The following NPLOC4 variants were observed in gnomAD, a reference collection of about 807,000 sequenced individuals.
The protein encoded by NPLOC4 is NPL4 homolog, ubiquitin recognition factor.
Under a neutral mutation model 80.6 loss-of-function variants are expected in NPLOC4, and 18 were observed. The observed-to-expected ratio is 0.22, with a 90% CI of 0.15 to 0.33. The LOEUF is 0.33. Among genes scored for constraint, NPLOC4 ranks in the 10% least tolerant of loss-of-function variants. The pLI, the probability that NPLOC4 is intolerant of heterozygous loss-of-function variation, is 1.00. For missense variants in NPLOC4, 540 were observed against 786.1 expected (o/e 0.69, Z 3.74); for synonymous variants, 313 against 301.5 (o/e 1.04, Z -0.39).
rs1244715485 is a variant in NPLOC4, at chr17:81,597,277, G to A, written c.961C>T (p.Arg321Ter). 3 of 1,613,544 alleles carry A rather than the reference G, an allele frequency of 1.9e-6. No individual in the cohort carries two copies. The highest frequency in any genetic ancestry group is 2.2e-5 in the East Asian group (1 of 44,866). Residue 321 changes from arginine to a stop codon, truncating the protein, a stop_gained, in exon 10 of 17, where the codon CGA (arginine) becomes TGA (stop). Coordinates refer to ENST00000331134, the MANE Select transcript of NPLOC4 (RefSeq NM_017921.4). LOFTEE classifies it high-confidence loss of function. ...IFTDLVSEDT[R>*]KGTVRYSRNK... ...CGACTGTAGCGGACGGTACCCTTTC[G>A]GGTATCTTCTGAGACGAGGTCTGTA...
rs535757826 is a variant in NPLOC4, at chr17:81,616,173, T to G, written c.210-2679A>C. On this transcript the variant is annotated intron_variant, in intron 3 of 16. Coordinates refer to ENST00000331134, the MANE Select transcript of NPLOC4 (RefSeq NM_017921.4). ...CTCTGCTAAAAATAAAAAAAAAAATTAGCCGGGGGTGGTGGCGGGCACCTG... is the reference window on the plus strand; with the variant it reads ...CTCTGCTAAAAATAAAAAAAAAAATGAGCCGGGGGTGGTGGCGGGCACCTG... 1.9e-4 allele frequency among the ~76,000 whole-genome samples: 28 copies of G among 150,136 alleles called. No homozygotes were observed. In the East Asian group the frequency reaches 4.9e-3, roughly 27 times the overall value.
chr17:81,600,331 G>A lies in NPLOC4; in HGVS notation c.921+10C>T, dbSNP rs1297903329. On this transcript the variant is annotated intron_variant, in intron 9 of 16. Transcript: ENST00000331134. The stretch of plus-strand genomic sequence containing the variant: ...CACGCCCCCTGCTTGGCTGCCGGAT[G>A]CCTCAGTACCTTCCGCAGGCCAAGT... 2 of 1,603,896 alleles carry A rather than the reference G, an allele frequency of 1.2e-6. No individual in the cohort carries two copies. The highest frequency in any genetic ancestry group is 1.7e-6 in the Non-Finnish European group (2 of 1,174,656).
chr17:81,607,960 G>T (rs2035248520), intron 6 of NPLOC4, among the ~76,000 whole-genome samples: 1 of 152,214 alleles, frequency 6.6e-6, no homozygotes, highest in South Asian at 2.1e-4. Context: ...AATAATAGCT[G>T]AAGCCTGCTA....
chr17:81,616,310 G>A (rs371890445), intron 3 of NPLOC4, among the ~76,000 whole-genome samples: 2 of 35,506 alleles, frequency 5.6e-5, no homozygotes, highest in Admixed American at 3.9e-4. Context: ...GACATAGCAA[G>A]ACTCTGTCTC....
In NPLOC4 at chr17:81,628,144, G is replaced by A. The variant is rs2035844975; in HGVS notation, c.96+1581C>T. On this transcript the variant is annotated intron_variant, in intron 2 of 16. Transcript: ENST00000331134. ...GAGAGTGGCGTGAACCCGGGAGGCG[G>A]AGCTTGCAGTGAGCCAAGATCATGC... Among the ~76,000 whole-genome samples the A allele has an allele frequency of 2.0e-5, 3 of 151,510 alleles. No homozygotes were observed. The South Asian group carries it at 6.2e-4, about 32-fold the overall frequency.
At chr17:81,588,844 A>T in intron 12 of NPLOC4, 100 bp downstream of exon 12, 1 of 1,024,892 alleles carries the variant, frequency 9.8e-7, no homozygotes, top group Non-Finnish European at 1.4e-6. Flanking sequence ...CACAGCTGAC[A>T]AACGGCTGCT....
At position 81,613,464 on chromosome 17, in the gene NPLOC4, C is replaced by A; in HGVS notation, c.240G>T (p.Ser80=). The change falls in exon 4 of 17, where the codon TCG becomes TCT. Residue 80 remains serine (S), a synonymous_variant. Coordinates refer to ENST00000331134, the MANE Select transcript of NPLOC4 (RefSeq NM_017921.4). ...TTTCAGATGAGGGCCCAGCAAGGCT[C>A]GAGGGAAACAGGAACAACAAATCGC... ...KHGDLLFLFP[S]SLAGPSSEME... The A allele has an allele frequency of 6.2e-7, 1 of 1,613,788 alleles. No homozygotes were observed. The highest frequency in any genetic ancestry group is 8.5e-7 in the Non-Finnish European group (1 of 1,179,850).
At chr17:81,569,649 C>T (rs969994647) in intron 13 of NPLOC4, among the ~76,000 whole-genome samples, 8 of 152,196 alleles carry the variant, frequency 5.3e-5, no homozygotes, top group African/African-American at 1.4e-4. Flanking sequence ...AGCCACTCCA[C>T]GGAGCTGTGG....
intron 12 of NPLOC4, among the ~76,000 whole-genome samples, chr17:81,582,181 C>T (rs1157542075): frequency 6.6e-6 from 1 of 152,200 alleles, no homozygotes; most frequent in Non-Finnish European, 1.5e-5. Context: ...AGCTGAGGCC[C>T]AGCGGTTGTC....
At chr17:81,600,842 G>A (rs1598653187) in intron 8 of NPLOC4, among the ~76,000 whole-genome samples, 1 of 152,118 alleles carries the variant, frequency 6.6e-6, no homozygotes, top group African/African-American at 2.4e-5. Flanking sequence ...AAACTGTAAG[G>A]TAACATCCAT....
At chr17:81,589,848 ATC>A (rs1171606803) in intron 11 of NPLOC4, among the ~76,000 whole-genome samples, 6 of 131,902 alleles carry the variant, frequency 4.5e-5, no homozygotes, top group African/African-American at 1.1e-4. Context: ...AAATCAATCA[ATC>A]AAAAAAAAAA....
intron 16 of NPLOC4, chr17:81,561,714 T>C (rs2033855079): frequency 6.6e-6 from 1 of 152,196 alleles, no homozygotes; most frequent in Non-Finnish European, 1.5e-5. Flanking sequence ...CCCCAGAAGC[T>C]GGGATTATAG....
intron 16 of NPLOC4, 85 bp downstream of exon 16, chr17:81,565,420 A>G (rs1598615861): frequency 3.4e-6 from 4 of 1,170,012 alleles, no homozygotes; most frequent in Middle Eastern, 2.3e-4. Flanking sequence ...AATCCAGGGC[A>G]CCACCGGCAG....
At chr17:81,631,438 T>TATATATA (rs1568170977) in intron 1 of NPLOC4, among the ~76,000 whole-genome samples, 267 of 25,840 alleles carry the variant, frequency 0.01, 1 homozygote, top group African/African-American at 0.031. Context: ...ATATATATAT[T>TATATATA]TTTTTTTTTT....
intron 3 of NPLOC4, 81 bp downstream of exon 3, chr17:81,622,085 G>A (rs1463194533): frequency 4.3e-6 from 4 of 930,666 alleles, no homozygotes; most frequent in Non-Finnish European, 7.1e-6. Flanking sequence ...TGAGGAAAGA[G>A]GATAAAACTC....
chr17:81,559,352 C>T lies in NPLOC4; in HGVS notation c.1734G>A (p.Thr578=), dbSNP rs755997193. The T allele has an allele frequency of 1.1e-5, 17 of 1,607,638 alleles. No homozygotes were observed. Among genetic ancestry groups the T allele is most frequent in the Admixed American group, 1.7e-5 (1 of 59,032 alleles). Residue 578 remains threonine (T), a synonymous_variant, in exon 17 of 17, where the codon ACG becomes ACA. Transcript: ENST00000331134. ...GACAGGCCCACATGGCTGCAGTGGC[C>T]GTGTGTGTGGAGCCCCCGACGGCGC... ...EYGAVGGSTH[T]ATAAMWACQH...
intron 5 of NPLOC4, among the ~76,000 whole-genome samples, chr17:81,609,589 C>T (rs1383845317): frequency 2.0e-5 from 3 of 152,208 alleles, no homozygotes; most frequent in Non-Finnish European, 4.4e-5. Flanking sequence ...GGACTACAGG[C>T]GTCACTGCAC....
chr17:81,600,425 A>G lies in NPLOC4; in HGVS notation c.837T>C (p.Ile279=). 1 of 1,611,118 alleles carries G rather than the reference A, an allele frequency of 6.2e-7. No homozygotes were observed. The highest frequency in any genetic ancestry group is 8.5e-7 in the Non-Finnish European group (1 of 1,178,526). The change falls in exon 9 of 17, where the codon ATT becomes ATC. Residue 279 remains isoleucine (I), a splice_region_variant and synonymous_variant. Transcript: ENST00000331134. ...GAAGCTCCAAGCTGTTCTGTGTACC[A>G]ATCTGCAGGGAATCAAAGGGAGAAG... ...EVAAIYEPPQ[I]GTQNSLELLE...
At chr17:81,591,447 G>GAAAAAACAAAAAA (rs2034737901) in intron 11 of NPLOC4, among the ~76,000 whole-genome samples, 1 of 76,326 alleles carries the variant, frequency 1.3e-5, no homozygotes, top group Non-Finnish European at 2.4e-5. Flanking sequence ...GAGTAAAACA[G>GAAAAAACAAAAAA]AAAAAAAAAA....
Sources: allele counts gnomAD v4.1 joint callset (sites outside exome capture counted in the v4.1 genomes callset), GRCh38; gene constraint gnomAD v4.1.1; transcripts MANE v1.5; gene names NCBI Gene and HGNC (gene_info 2026-07-23, HGNC 2026-07-21).